The following OR51M1 variants were observed in gnomAD, a reference collection of about 807,000 sequenced individuals.
OR51M1 encodes the protein olfactory receptor 51M1.
For synonymous variants in OR51M1, 199 were observed against 155.1 expected (o/e 1.28, Z -2.10); for missense variants, 509 against 404.4 (o/e 1.26, Z -2.22).
At chr11:5,386,059 A>T (rs1171848264) in intron 2 of OR51M1, among the ~76,000 whole-genome samples, 1 of 152,016 alleles carries the variant, frequency 6.6e-6, no homozygotes, top group East Asian at 1.9e-4. Flanking sequence ...GATGTACCTA[A>T]TGCTACAGAA....
chr11:5,388,492 G>A (rs186651606), intron 2 of OR51M1, among the ~76,000 whole-genome samples: 17 of 149,874 alleles, frequency 1.1e-4, no homozygotes, highest in Non-Finnish European at 2.4e-4. Context: ...AGCTATTTCA[G>A]GAAAAAATGT....
chr11:5,389,351 A>C (rs1849752243), intron 2 of OR51M1, 33 bp from the exon 3 acceptor site: 1 of 1,567,110 alleles, frequency 6.4e-7, no homozygotes, highest in South Asian at 1.2e-5. Context: ...GAAGCTGAAG[A>C]ATTAATAACC....
intron 1 of OR51M1, 40 bp from the exon 2 acceptor site, chr11:5,385,313 C>T (rs1321093680): frequency 6.6e-6 from 1 of 152,116 alleles, no homozygotes; most frequent in Non-Finnish European, 1.5e-5. Flanking sequence ...GTATACTTTC[C>T]AAGAGAAATA....
At chr11:5,388,763 T>C (rs1275121076) in intron 2 of OR51M1, among the ~76,000 whole-genome samples, 1 of 152,016 alleles carries the variant, frequency 6.6e-6, no homozygotes, top group African/African-American at 2.4e-5. Context: ...GTACAAAAGA[T>C]GAGTCACTGG....
chr11:5,386,834 G>C (rs1337026345), intron 2 of OR51M1, among the ~76,000 whole-genome samples: 2 of 123,510 alleles, frequency 1.6e-5, no homozygotes, highest in Non-Finnish European at 3.6e-5. Context: ...GGGTTGAGTA[G>C]AGCATCAGCT....
Position 5,390,440 on chromosome 11 carries a change from T to C in OR51M1, c.*61T>C. On this transcript the variant is annotated 3_prime_UTR_variant, in exon 3 of 3. Transcript: ENST00000642046. ...GAAGGCCCCAAATTGGACTGAAAAT[T>C]TGGAGTATTGAGTATATAGCATGCT... 7 of 1,408,992 alleles carry C rather than the reference T, an allele frequency of 5.0e-6. No individual in the cohort carries two copies. The highest frequency in any genetic ancestry group is 6.6e-6 in the Non-Finnish European group (7 of 1,053,180). 87.3% of individuals were successfully genotyped at this position (1,408,992 alleles called of 1,614,324 possible). A position where few individuals can be genotyped will look rare whatever the true frequency, so the allele number is the denominator to read the frequency against.
At position 5,389,793 on chromosome 11, in the gene OR51M1, T is replaced by C; in HGVS notation, c.395T>C (p.Phe132Ser). 2 of 1,614,024 alleles carry C rather than the reference T, an allele frequency of 1.2e-6. No homozygotes were observed. The highest frequency in any genetic ancestry group is 1.7e-6 in the Non-Finnish European group (2 of 1,179,916). Residue 132 changes from phenylalanine to serine, a missense_variant, in exon 3 of 3, where the codon TTT (phenylalanine) becomes TCT (serine). Coordinates refer to ENST00000642046, the MANE Select transcript of OR51M1 (RefSeq NM_001004756.3). ...MESSVLLMMS[F>S]DRLVAICHPL... ...TCCTCAGTGCTCCTCATGATGTCCT[T>C]TGACCGCCTTGTGGCCATCTGCCAC...
At chr11:5,385,864 GTATT>G (rs58099704) in intron 2 of OR51M1, among the ~76,000 whole-genome samples, 28,575 of 148,246 alleles carry the variant, frequency 0.19, 2,985 homozygotes, top group East Asian at 0.38. Context: ...ATTCTATAAA[GTATT>G]TATGAGTAAA....
At chr11:5,384,887 T>C (rs1252594583) in intron 1 of OR51M1, among the ~76,000 whole-genome samples, 1 of 152,212 alleles carries the variant, frequency 6.6e-6, no homozygotes, top group Non-Finnish European at 1.5e-5. Context: ...TTGACCACTG[T>C]GGAAATGTTC....
intron 1 of OR51M1, among the ~76,000 whole-genome samples, chr11:5,385,148 A>G (rs1849667134): frequency 6.6e-6 from 1 of 152,214 alleles, no homozygotes; most frequent in South Asian, 2.1e-4. Flanking sequence ...TCTGCCTTGA[A>G]TATTTTAATT....
chr11:5,391,689 T>C lies in OR51M1; in HGVS notation c.*1310T>C, dbSNP rs1238302711. ...TATCTTCATTGTCCCAGTTCTACTTTACTCAGGCCCTCTGGATCCTCCCAC... is the reference window on the plus strand; with the variant it reads ...TATCTTCATTGTCCCAGTTCTACTTCACTCAGGCCCTCTGGATCCTCCCAC... On this transcript the variant is annotated 3_prime_UTR_variant, in exon 3 of 3. Coordinates refer to ENST00000642046, the MANE Select transcript of OR51M1 (RefSeq NM_001004756.3). 1.3e-5 allele frequency: 2 copies of C among 152,236 alleles called. No homozygotes were observed. The highest frequency in any genetic ancestry group is 2.9e-5 in the Non-Finnish European group (2 of 68,060). 9.4% of individuals were successfully genotyped at this position (152,236 alleles called of 1,614,324 possible). A position where few individuals can be genotyped will look rare whatever the true frequency, so the allele number is the denominator to read the frequency against.
chr11:5,387,150 G>A (rs1050884391), intron 2 of OR51M1, among the ~76,000 whole-genome samples: 3 of 152,084 alleles, frequency 2.0e-5, no homozygotes, highest in African/African-American at 4.8e-5. Flanking sequence ...ATAAATATTT[G>A]AGCAATGGAA....
rs1314179243 is a variant in OR51M1 at position 5,392,147 on chromosome 11, T to C, written c.*1768T>C. ...AAAATATGTATGTATGTTTGTGCGG[T>C]TTCTTGTGTATGTTTGTGTGGTATC... On this transcript the variant is annotated 3_prime_UTR_variant, in exon 3 of 3. Transcript: ENST00000642046. 6.6e-6 allele frequency: 1 copy of C among 152,164 alleles called. No homozygotes were observed. Among genetic ancestry groups the C allele is most frequent in the Non-Finnish European group, 1.5e-5 (1 of 68,028 alleles). The allele number at this position is 152,164 out of a possible 1,614,324, so 9.4% of individuals were successfully genotyped here. A position where few individuals can be genotyped will look rare whatever the true frequency, so the allele number is the denominator to read the frequency against.
intron 1 of OR51M1, among the ~76,000 whole-genome samples, chr11:5,384,789 T>A (rs751396767): frequency 2.0e-5 from 3 of 152,196 alleles, no homozygotes; most frequent in Non-Finnish European, 4.4e-5. Flanking sequence ...AAACAACACC[T>A]TGTAACTTCC....
chr11:5,384,000 GA>G, intron 1 of OR51M1, 83 bp downstream of exon 1: 1 of 152,298 alleles, frequency 6.6e-6, no homozygotes, highest in Non-Finnish European at 1.5e-5. Context: ...GAAAATGAGG[GA>G]AAATGGGAAT....
rs1296336481 is a variant in OR51M1 at position 5,390,933 on chromosome 11, C to T, written c.*554C>T. On this transcript the variant is annotated 3_prime_UTR_variant, in exon 3 of 3. Transcript: ENST00000642046. ...CCTCAACACCTGTTTCAAGCAACACCCCCCCAAATTTCTAAGGTTGTGCTC... is the reference window on the plus strand; with the variant it reads ...CCTCAACACCTGTTTCAAGCAACACTCCCCCAAATTTCTAAGGTTGTGCTC... 2.6e-5 allele frequency: 4 copies of T among 153,218 alleles called. No homozygotes were observed. The highest frequency in any genetic ancestry group is 2.0e-4 in the Admixed American group (3 of 15,362). The allele number at this position is 153,218 out of a possible 1,614,324, so 9.5% of individuals were successfully genotyped here.
intron 2 of OR51M1, among the ~76,000 whole-genome samples, chr11:5,386,614 A>G (rs1157384936): frequency 6.6e-6 from 1 of 152,106 alleles, no homozygotes; most frequent in East Asian, 1.9e-4. Flanking sequence ...AGTGATTCAT[A>G]GAGTTAGTAC....
chr11:5,389,776 G>A lies in OR51M1; in HGVS notation c.378G>A (p.Val126=), dbSNP rs532842246. 5.0e-6 allele frequency: 8 copies of A among 1,613,992 alleles called. No individual in the cohort carries two copies. Among genetic ancestry groups the A allele is most frequent in the Admixed American group, 3.3e-5 (2 of 60,020 alleles). Residue 126 remains valine (V), a synonymous_variant, in exon 3 of 3, where the codon GTG becomes GTA. Transcript: ENST00000642046. ...IHSFSFMESS[V]LLMMSFDRLV... ...CTTTTTCCTTCATGGAGTCCTCAGT[G>A]CTCCTCATGATGTCCTTTGACCGCC...
intron 2 of OR51M1, among the ~76,000 whole-genome samples, chr11:5,385,890 A>G (rs1319685049): frequency 1.3e-5 from 2 of 149,270 alleles, no homozygotes. Flanking sequence ...CTATACACTT[A>G]TATGTTATTT....
Sources: allele counts gnomAD v4.1 joint callset (sites outside exome capture counted in the v4.1 genomes callset), GRCh38; gene constraint gnomAD v4.1.1; transcripts MANE v1.5; gene names NCBI Gene and HGNC (gene_info 2026-07-23, HGNC 2026-07-21).